The following CENPP variants were observed in gnomAD, a reference collection of about 807,000 sequenced individuals.
CENPP encodes centromere protein P.
CENPP carries 24 observed loss-of-function variants against 35.6 expected under a neutral mutation model. The observed-to-expected ratio is 0.67, with a 90% CI of 0.49 to 0.95. The LOEUF (loss-of-function observed/expected upper bound fraction) is 0.95. CENPP is among the 40% of genes least tolerant of loss of function. The pLI, the probability that CENPP is intolerant of heterozygous loss-of-function variation, is 0.00. For synonymous variants in CENPP, 120 were observed against 125.5 expected (o/e 0.96, Z 0.29); for missense variants, 332 against 345.3 (o/e 0.96, Z 0.31).
At chr9:92,495,197 G>T in intron 5 of CENPP, 1 of 330,836 alleles carries the variant, frequency 3.0e-6, no homozygotes, top group Non-Finnish European at 4.3e-6. Context: ...TATGCAATGA[G>T]GCCAACACTG....
intron 4 of CENPP, among the ~76,000 whole-genome samples, chr9:92,363,992 G>A (rs1164334873): frequency 6.6e-6 from 1 of 151,994 alleles, no homozygotes; most frequent in African/African-American, 2.4e-5. Flanking sequence ...GGAACCACAG[G>A]CATGCACCAC....
intron 4 of CENPP, among the ~76,000 whole-genome samples, chr9:92,367,686 C>G (rs557178005): frequency 6.6e-6 from 1 of 152,122 alleles, no homozygotes; most frequent in South Asian, 2.1e-4. Flanking sequence ...GGTGCGATCT[C>G]GGCTCACTGC....
At chr9:92,375,477 T>A (rs112221513) in intron 4 of CENPP, among the ~76,000 whole-genome samples, 3 of 151,796 alleles carry the variant, frequency 2.0e-5, no homozygotes, top group African/African-American at 7.2e-5. Context: ...GGTTTTTTTT[T>A]AATAGAGATG....
chr9:92,536,911 C>G (rs1849191687), intron 5 of CENPP, among the ~76,000 whole-genome samples: 1 of 147,784 alleles, frequency 6.8e-6, no homozygotes, highest in Non-Finnish European at 1.5e-5. Context: ...GCTCTGTTGC[C>G]CAGGCTAGAG....
intron 4 of CENPP, among the ~76,000 whole-genome samples, chr9:92,368,017 G>A (rs769576379): frequency 7.2e-5 from 11 of 152,140 alleles, no homozygotes; most frequent in Non-Finnish European, 1.5e-4. Flanking sequence ...TGGTATTTTG[G>A]TGATACTACA....
intron 5 of CENPP, among the ~76,000 whole-genome samples, chr9:92,392,834 TA>T (rs1194580113): frequency 6.6e-6 from 1 of 152,146 alleles, no homozygotes; most frequent in Non-Finnish European, 1.5e-5. Flanking sequence ...TGAGAAGATA[TA>T]GTTGCCCATA....
intron 5 of CENPP, among the ~76,000 whole-genome samples, chr9:92,497,584 GT>G (rs910728848): frequency 7.3e-5 from 11 of 150,130 alleles, no homozygotes; most frequent in African/African-American, 2.5e-4. Context: ...AGATCACGCC[GT>G]TGCACTTCTG....
intron 5 of CENPP, among the ~76,000 whole-genome samples, chr9:92,483,788 G>T (rs1270850889): frequency 1.3e-5 from 2 of 152,142 alleles, no homozygotes; most frequent in Non-Finnish European, 2.9e-5. Flanking sequence ...CTGGCTATGT[G>T]TTCATCCTCC....
chr9:92,571,279 G>T (rs1200450296), intron 5 of CENPP, among the ~76,000 whole-genome samples: 1 of 152,144 alleles, frequency 6.6e-6, no homozygotes, highest in Non-Finnish European at 1.5e-5. Context: ...GGTATGTTGT[G>T]TCTTTGTTCT....
At chr9:92,378,212 C>T (rs566925087) in intron 4 of CENPP, among the ~76,000 whole-genome samples, 16 of 152,266 alleles carry the variant, frequency 1.1e-4, no homozygotes, top group African/African-American at 3.9e-4. Flanking sequence ...GGTTGACAGG[C>T]TTCACACCTC....
chr9:92,549,458 C>T (rs528619750), intron 5 of CENPP, among the ~76,000 whole-genome samples: 3 of 152,138 alleles, frequency 2.0e-5, no homozygotes, highest in African/African-American at 2.4e-5. Flanking sequence ...ACCAGCCTGG[C>T]CAATGTGGTG....
chr9:92,540,783 A>T (rs1486350792), intron 5 of CENPP, among the ~76,000 whole-genome samples: 1 of 149,696 alleles, frequency 6.7e-6, no homozygotes, highest in East Asian at 1.9e-4. Flanking sequence ...AAAAAAAAAA[A>T]TCATCAATGA....
intron 4 of CENPP, among the ~76,000 whole-genome samples, chr9:92,360,103 CCT>C (rs1841705554): frequency 6.6e-6 from 1 of 151,970 alleles, no homozygotes; most frequent in Admixed American, 6.6e-5. Context: ...TTCTCAAAAC[CCT>C]CTCCTTTAAA....
chr9:92,482,825 C>A (rs1845955566), intron 5 of CENPP, among the ~76,000 whole-genome samples: 2 of 151,846 alleles, frequency 1.3e-5, no homozygotes, highest in African/African-American at 2.4e-5. Flanking sequence ...AGTATATACC[C>A]AAACTTCAGA....
chr9:92,457,640 A>G, intron 5 of CENPP, among the ~76,000 whole-genome samples: 1 of 152,204 alleles, frequency 6.6e-6, no homozygotes, highest in East Asian at 1.9e-4. Context: ...TCACTTATGC[A>G]TGTTAAATAC....
intron 5 of CENPP, among the ~76,000 whole-genome samples, chr9:92,594,840 T>A (rs1850739268): frequency 6.6e-6 from 1 of 151,500 alleles, no homozygotes; most frequent in South Asian, 2.1e-4. Flanking sequence ...TTCATTTATG[T>A]AAGTTATTTG....
chr9:92,537,098 A>G (rs2131302720), intron 5 of CENPP, among the ~76,000 whole-genome samples: 1 of 150,992 alleles, frequency 6.6e-6, no homozygotes, highest in East Asian at 2.0e-4. Context: ...CTGGTCTCGA[A>G]CTCTTGACCT....
chr9:92,340,753 C>T (rs967470669), intron 3 of CENPP, among the ~76,000 whole-genome samples: 2 of 152,090 alleles, frequency 1.3e-5, no homozygotes, highest in African/African-American at 2.4e-5. Context: ...ATCTCTTAAT[C>T]CTGTCAGCTG....
At position 92,541,097 on chromosome 9, in the gene CENPP, TA is replaced by T. The variant is rs1849307983; in HGVS notation, c.565-70210del. ...CAACATGGTGAAACCCCATCTCTAC[TA>T]AAAAAACAAAATTAGCCAGGTGCGG... On this transcript the variant is annotated intron_variant, in intron 5 of 7. Coordinates refer to ENST00000375587, the MANE Select transcript of CENPP (RefSeq NM_001012267.3). Among the ~76,000 whole-genome samples the T allele has an allele frequency of 2.0e-5, 3 of 151,422 alleles. No homozygotes were observed. In the South Asian group the frequency reaches 6.3e-4, roughly 32 times the overall value.
Sources: gnomAD v4.1 joint callset for allele counts (sites outside exome capture counted in the v4.1 genomes callset) on GRCh38, gnomAD v4.1.1 for gene constraint, MANE v1.5 for transcripts, NCBI Gene and HGNC (gene_info 2026-07-23, HGNC 2026-07-21) for gene names.